Variants in PARP1 observed in about 807,000 individuals in gnomAD.
PARP1 encodes the protein poly(ADP-ribose) polymerase 1.
A neutral mutation model predicts 118.7 loss-of-function variants in PARP1; 44 were observed. That is an observed-to-expected ratio of 0.37 (90% confidence interval 0.29 to 0.48). The LOEUF (loss-of-function observed/expected upper bound fraction) is 0.48. Ranked by LOEUF, PARP1 falls within the 20% of genes least tolerant of loss-of-function variation. The probability of loss-of-function intolerance (pLI) is 0.99; values close to 1 mark genes in which losing one functional copy is unlikely to be tolerated. For missense variants in PARP1, 1,100 were observed against 1,272.4 expected (o/e 0.86, Z 2.06); for synonymous variants, 492 against 483.2 (o/e 1.02, Z -0.24).
intron 7 of PARP1, among the ~76,000 whole-genome samples, chr1:226,384,858 C>T (rs746519452): frequency 6.6e-6 from 1 of 152,140 alleles, no homozygotes; most frequent in Admixed American, 6.5e-5. Flanking sequence ...AGTGCAACAG[C>T]GAGGGAAGCA....
At position 226,397,091 on chromosome 1, in the gene PARP1, C is replaced by A. The variant is rs76053941; in HGVS notation, c.287-4777G>T. On this transcript the variant is annotated intron_variant, in intron 2 of 22. Transcript: ENST00000366794. ...ATTGTTTGAAGCCAAGAGTTTGAGA[C>A]CAGCCTGGGGTCTTGCCAAGCAAGA... is the stretch of plus-strand genomic sequence containing the variant. 7.1e-3 allele frequency among the ~76,000 whole-genome samples: 1,068 copies of A among 150,834 alleles called. 19 individuals carry two copies. The highest frequency in any genetic ancestry group is 0.025 in the African/African-American group (1,019 of 40,866).
intron 22 of PARP1, 173 bp from the exon 23 acceptor site, chr1:226,361,714 G>A: frequency 1.5e-6 from 1 of 684,872 alleles, no homozygotes; most frequent in Non-Finnish European, 2.7e-6. Flanking sequence ...CTCAATGCCA[G>A]CCTGAAAGTT....
At position 226,377,151 on chromosome 1, in the gene PARP1, T is replaced by C. The variant is rs1664508522; in HGVS notation, c.1898A>G (p.Lys633Arg). 6.2e-7 allele frequency: 1 copy of C among 1,614,156 alleles called. No individual in the cohort carries two copies. The highest frequency in any genetic ancestry group is 8.5e-7 in the Non-Finnish European group (1 of 1,180,038). ...CAGGGGGTAGAACTTTTTGGGATAC[T>C]TCGTGAAATTTTTGGAGTGCCAAGC... is the stretch of plus-strand genomic sequence containing the variant. ...GNAWHSKNFT[K>R]YPKKFYPLEI... is the part of the protein sequence containing the mutation. Residue 633 changes from lysine (K) to arginine (R), a missense_variant, in exon 13 of 23, where the codon AAG becomes AGG. Lys to Arg is a conservative substitution (Grantham distance 26). Around this residue, in one of 2 missense-constraint regions of PARP1, gnomAD observed 948 missense variants for 1,031.8 expected, o/e 0.92. Transcript: ENST00000366794.
intron 2 of PARP1, chr1:226,393,094 TAAG>T: frequency 9.8e-7 from 1 of 1,024,796 alleles, no homozygotes; most frequent in African/African-American, 1.7e-5. Flanking sequence ...AGAGATATCT[TAAG>T]AAATCTATTT....
chr1:226,367,399 A>T, intron 17 of PARP1, 81 bp downstream of exon 17: 1 of 1,527,912 alleles, frequency 6.5e-7, no homozygotes. Flanking sequence ...TTTCCAGGAG[A>T]TCCTAACACA....
chr1:226,379,774 C>G (rs1248271252), intron 10 of PARP1, 133 bp from the exon 11 acceptor site: 1 of 1,398,882 alleles, frequency 7.1e-7, no homozygotes, highest in East Asian at 2.3e-5. Context: ...CTACTCCCGC[C>G]ACCCCAAAGC....
At chr1:226,379,052 A>C in intron 12 of PARP1, 90 bp downstream of exon 12, 1 of 1,501,550 alleles carries the variant, frequency 6.7e-7, no homozygotes, top group Non-Finnish European at 9.3e-7. Flanking sequence ...CACTGGGCCT[A>C]ACGGGTTTCA....
chr1:226,403,702 T>C (rs1665083749), intron 1 of PARP1, among the ~76,000 whole-genome samples: 1 of 152,044 alleles, frequency 6.6e-6, no homozygotes, highest in African/African-American at 2.4e-5. Flanking sequence ...ACACTATGAT[T>C]CCTCCCACCA....
At chr1:226,381,537 A>T (rs1207204461) in intron 8 of PARP1, among the ~76,000 whole-genome samples, 1 of 149,474 alleles carries the variant, frequency 6.7e-6, no homozygotes, top group Non-Finnish European at 1.5e-5. Flanking sequence ...AGGGACCAGG[A>T]GGCTGGAGTC....
intron 21 of PARP1, among the ~76,000 whole-genome samples, chr1:226,362,758 G>A (rs1664169130): frequency 6.6e-6 from 1 of 152,142 alleles, no homozygotes; most frequent in African/African-American, 2.4e-5. Context: ...ACTGGTGCCT[G>A]CACCAAGATT....
At chr1:226,365,252 TC>T (rs1664234649) in intron 18 of PARP1, 98 bp from the exon 19 acceptor site, 1 of 1,335,650 alleles carries the variant, frequency 7.5e-7, no homozygotes, top group Non-Finnish European at 1.1e-6. Context: ...TGACCGGCTG[TC>T]CCTAAGGCTA....
chr1:226,361,434 G>C lies in PARP1; in HGVS notation c.*26C>G, dbSNP rs770815468. On this transcript the variant is annotated 3_prime_UTR_variant, in exon 23 of 23. Transcript: ENST00000366794. ...CGGGTGAATTCATACCAGAGCCACCGGGTGTGACTCGGCTACCTCTCCCAA... is the reference window on the plus strand; with the variant it reads ...CGGGTGAATTCATACCAGAGCCACCCGGTGTGACTCGGCTACCTCTCCCAA... 1 of 1,506,030 alleles carries C rather than the reference G, an allele frequency of 6.6e-7. No individual in the cohort carries two copies. The highest frequency in any genetic ancestry group is 1.1e-5 in the South Asian group (1 of 88,902). 93.3% of individuals were successfully genotyped at this position (1,506,030 alleles called of 1,614,324 possible). A position where few individuals can be genotyped will look rare whatever the true frequency, so the allele number is the denominator to read the frequency against.
intron 1 of PARP1, among the ~76,000 whole-genome samples, 154 bp downstream of exon 1, chr1:226,407,656 G>T (rs1039491065): frequency 1.3e-5 from 2 of 151,830 alleles, no homozygotes; most frequent in Non-Finnish European, 2.9e-5. Context: ...CGGGCCGCTC[G>T]GGAGGAGGGG....
chr1:226,387,335 C>T (rs1182269301), intron 5 of PARP1, among the ~76,000 whole-genome samples: 1 of 152,170 alleles, frequency 6.6e-6, no homozygotes, highest in East Asian at 1.9e-4. Flanking sequence ...AGCTATCAGC[C>T]TCTCCATTTT....
intron 2 of PARP1, among the ~76,000 whole-genome samples, chr1:226,395,496 T>G (rs1016802334): frequency 2.0e-5 from 3 of 151,654 alleles, no homozygotes; most frequent in South Asian, 2.1e-4. Flanking sequence ...TACAAAAAAT[T>G]TAGGTGGATG....
chr1:226,362,988 CCAGCTGTTTGA>C, intron 21 of PARP1, 100 bp downstream of exon 21: 1 of 789,988 alleles, frequency 1.3e-6, no homozygotes, highest in Non-Finnish European at 2.3e-6. Context: ...AAATGAATCT[CCAGCTGTTTGA>C]CAGCCAGCCA....
rs1408369969 is a variant in PARP1, at chr1:226,365,981, G to A, written c.2478C>T (p.His826=). The change falls in exon 18 of 23, where the codon CAC becomes CAT. Residue 826 remains histidine, a synonymous_variant. Coordinates refer to ENST00000366794, the MANE Select transcript of PARP1 (RefSeq NM_001618.4). Reference sequence around the variant, plus strand: ...CGATGACTTCCAAGTCATACGCATTGTGTGTGGTTGCATGAGTGTTCTTAA... The same window carrying A: ...CGATGACTTCCAAGTCATACGCATTATGTGTGGTTGCATGAGTGTTCTTAA... ...KYVKNTHATT[H]NAYDLEVIDI... The A allele has an allele frequency of 7.4e-6, 12 of 1,612,026 alleles. No homozygotes were observed. Among genetic ancestry groups the A allele is most frequent in the Non-Finnish European group, 1.0e-5 (12 of 1,178,172 alleles).
intron 11 of PARP1, 140 bp from the exon 12 acceptor site, chr1:226,379,414 G>T: frequency 8.0e-7 from 1 of 1,249,094 alleles, no homozygotes; most frequent in Non-Finnish European, 1.2e-6. Context: ...ACAAATGTGT[G>T]TTCTCAGGAC....
At chr1:226,385,880 T>C (rs1576398182) in intron 6 of PARP1, among the ~76,000 whole-genome samples, 200 bp from the exon 7 acceptor site, 1 of 152,294 alleles carries the variant, frequency 6.6e-6, no homozygotes, top group Non-Finnish European at 1.5e-5. Context: ...TAGGAGACCT[T>C]ATTTCCAAGT....
Sources: allele counts gnomAD v4.1 joint callset (sites outside exome capture counted in the v4.1 genomes callset), GRCh38; gene constraint gnomAD v4.1.1; regional missense constraint gnomAD v4.1.1; transcripts MANE v1.5; gene names NCBI Gene and HGNC (gene_info 2026-07-23, HGNC 2026-07-21).